LAMB4: variants seen among roughly 807,000 people sequenced by gnomAD.
The protein encoded by LAMB4 is laminin subunit beta 4, also known as laminin subunit beta-4.
LAMB4 carries 196 observed loss-of-function variants against 199.2 expected under a neutral mutation model. The observed-to-expected ratio is 0.98, with a 90% CI of 0.88 to 1.11. LAMB4 has a LOEUF of 1.11. LAMB4 is among the 50% of genes least tolerant of loss of function. The pLI is 0.00. For synonymous variants in LAMB4, 744 were observed against 770.6 expected (o/e 0.97, Z 0.57); for missense variants, 2,080 against 2,171.2 (o/e 0.96, Z 0.83).
intron 1 of LAMB4, among the ~76,000 whole-genome samples, chr7:108,125,567 A>G (rs943017397): frequency 6.6e-6 from 1 of 152,208 alleles, no homozygotes; most frequent in Non-Finnish European, 1.5e-5. Flanking sequence ...AAAGTGCTAC[A>G]TAGGATATAT....
At chr7:108,054,603 T>G (rs2035922219) in intron 25 of LAMB4, among the ~76,000 whole-genome samples, 1 of 152,138 alleles carries the variant, frequency 6.6e-6, no homozygotes, top group Non-Finnish European at 1.5e-5. Flanking sequence ...GGGTAGAAAC[T>G]ATACCCAATT....
rs1416953101 is a variant in LAMB4, at chr7:108,116,162, C to G, written c.35-1G>C. 6.2e-7 allele frequency: 1 copy of G among 1,613,006 alleles called. No individual in the cohort carries two copies. The highest frequency in any genetic ancestry group is 1.3e-5 in the African/African-American group (1 of 75,006). On this transcript the variant is annotated splice_acceptor_variant, in intron 2 of 33. Transcript: ENST00000388781. LOFTEE classifies it high-confidence loss of function. Reference sequence around the variant, plus strand: ...TGAGCTTTTGAGTAACTGAGCCACCCTTGAACACAACAGAAATAGCTTACA... The same window carrying G: ...TGAGCTTTTGAGTAACTGAGCCACCGTTGAACACAACAGAAATAGCTTACA...
At position 108,066,587 on chromosome 7, in the gene LAMB4, A is replaced by G. The variant is rs1405222599; in HGVS notation, c.2460T>C (p.His820=). Residue 820 remains histidine (H), a synonymous_variant, in exon 20 of 34, where the codon CAT becomes CAC. Transcript: ENST00000388781. ...GHHGCHPCHC[H]PQGSKDTVCD... ...ATACAGTGTCCTTTGATCCTTGAGG[A>G]TGGCAGTGACATGCTGGATGAAGCA... 1 of 1,607,824 alleles carries G rather than the reference A, an allele frequency of 6.2e-7. No individual in the cohort carries two copies. Among genetic ancestry groups the G allele is most frequent in the East Asian group, 2.2e-5 (1 of 44,720 alleles).
chr7:108,055,511 T>C, intron 25 of LAMB4, 121 bp downstream of exon 25: 1 of 1,057,754 alleles, frequency 9.5e-7, no homozygotes, highest in Non-Finnish European at 1.4e-6. Flanking sequence ...ACTGAACAAC[T>C]ATCAGTCCCC....
chr7:108,035,802 C>T (rs1209572628), intron 30 of LAMB4, among the ~76,000 whole-genome samples: 2 of 151,716 alleles, frequency 1.3e-5, no homozygotes, highest in Middle Eastern at 3.4e-3. Flanking sequence ...TTTTAAAAAG[C>T]ATTACCATTG....
rs1400036366 is a variant in LAMB4 at position 108,030,890 on chromosome 7, G to T, written c.4908C>A (p.Thr1636=). The change falls in exon 32 of 34, where the codon ACC becomes ACA. Residue 1636 remains threonine, a synonymous_variant. Coordinates refer to ENST00000388781, the MANE Select transcript of LAMB4 (RefSeq NM_007356.3). ...GLEDGLSLLQ[T]KLQRHQDHAV... is the part of the protein sequence containing the mutation. Reference sequence around the variant, plus strand: ...CGTGGTCTTGATGCCTTTGCAACTTGGTCTGCAGCAGGGAAAGTCCATCCT... The same window carrying T: ...CGTGGTCTTGATGCCTTTGCAACTTTGTCTGCAGCAGGGAAAGTCCATCCT... The T allele has an allele frequency of 6.2e-7, 1 of 1,614,028 alleles. No individual in the cohort carries two copies. The highest frequency in any genetic ancestry group is 1.7e-5 in the Admixed American group (1 of 60,002).
At chr7:108,102,642 A>G (rs2037854607) in intron 10 of LAMB4, among the ~76,000 whole-genome samples, 1 of 152,198 alleles carries the variant, frequency 6.6e-6, no homozygotes, top group East Asian at 1.9e-4. Flanking sequence ...GAGATTCAAG[A>G]TAAAAGATTT....
At chr7:108,125,722 C>T (rs140187800) in intron 1 of LAMB4, among the ~76,000 whole-genome samples, 1 of 152,314 alleles carries the variant, frequency 6.6e-6, no homozygotes, top group East Asian at 1.9e-4. Context: ...ATTCCCAGGA[C>T]TCAGATTTAG....
At chr7:108,034,432 A>C in intron 30 of LAMB4, 86 bp from the exon 31 acceptor site, 1 of 1,028,240 alleles carries the variant, frequency 9.7e-7, no homozygotes, top group African/African-American at 1.6e-5. Context: ...TGACTCAACC[A>C]AATACTTTAC....
intron 30 of LAMB4, among the ~76,000 whole-genome samples, chr7:108,034,905 C>T (rs2035168657): frequency 6.6e-6 from 1 of 152,192 alleles, no homozygotes; most frequent in Non-Finnish European, 1.5e-5. Flanking sequence ...CTCAAGTCAA[C>T]AATCACCAAA....
downstream of LAMB4, among the ~76,000 whole-genome samples, chr7:108,020,988 G>GGGAC (rs1437043491): frequency 1.3e-5 from 2 of 152,176 alleles, no homozygotes; most frequent in African/African-American, 4.8e-5. Context: ...TAGGACCAGA[G>GGGAC]GGACCATGGA....
At chr7:108,059,513 T>C (rs1435885217) in intron 23 of LAMB4, among the ~76,000 whole-genome samples, 1 of 152,212 alleles carries the variant, frequency 6.6e-6, no homozygotes. Flanking sequence ...TTATCTTGGT[T>C]GTCTCCCTTT....
chr7:108,051,343 T>C (rs1211993801), intron 26 of LAMB4, among the ~76,000 whole-genome samples: 1 of 152,166 alleles, frequency 6.6e-6, no homozygotes, highest in Non-Finnish European at 1.5e-5. Flanking sequence ...CACAGGAGTA[T>C]ATACATAGGA....
chr7:108,126,930 C>T (rs1286409917), intron 1 of LAMB4, among the ~76,000 whole-genome samples: 20 of 152,028 alleles, frequency 1.3e-4, no homozygotes, highest in Admixed American at 1.3e-3. Context: ...ATTAAACTAC[C>T]AGTGCTCAGG....
chr7:108,035,689 T>C (rs2035203466), intron 30 of LAMB4, among the ~76,000 whole-genome samples: 1 of 151,772 alleles, frequency 6.6e-6, no homozygotes, highest in Admixed American at 6.6e-5. Flanking sequence ...GTTAGGATAT[T>C]GTAGCAAAAT....
chr7:108,101,212 T>G (rs1207665856), intron 10 of LAMB4, among the ~76,000 whole-genome samples: 1 of 152,188 alleles, frequency 6.6e-6, no homozygotes, highest in Admixed American at 6.5e-5. Context: ...TGAACGTTCT[T>G]GCTAAGTGTG....
At chr7:108,047,546 CTGTT>C (rs1430284188) in intron 28 of LAMB4, among the ~76,000 whole-genome samples, 1 of 151,888 alleles carries the variant, frequency 6.6e-6, no homozygotes, top group Non-Finnish European at 1.5e-5. Context: ...TGTTAATTGA[CTGTT>C]TAAGTTATGG....
intron 23 of LAMB4, among the ~76,000 whole-genome samples, chr7:108,060,628 T>C (rs1221036599): frequency 6.6e-6 from 1 of 152,214 alleles, no homozygotes; most frequent in East Asian, 1.9e-4. Context: ...TATTGGCCTA[T>C]GTCAAAGGGA....
In LAMB4 at chr7:108,062,823, T is replaced by TGAC; in HGVS notation, c.3230_3232dup (p.Cys1077_Gln1078insArg). ...GGTCCTAGGGTCACAGTCACATGAC[T>TGAC]GACATCCTCTGCCAGGGACCAGATT... is the stretch of plus-strand genomic sequence containing the variant. On this transcript the variant is annotated inframe_insertion, in exon 23 of 34. Coordinates refer to ENST00000388781, the MANE Select transcript of LAMB4 (RefSeq NM_007356.3). The TGAC allele has an allele frequency of 6.5e-7, 1 of 1,546,708 alleles. No homozygotes were observed. The highest frequency in any genetic ancestry group is 8.7e-7 in the Non-Finnish European group (1 of 1,147,882).
Sources: allele counts gnomAD v4.1 joint callset (sites outside exome capture counted in the v4.1 genomes callset), GRCh38; gene constraint gnomAD v4.1.1; transcripts MANE v1.5; gene names NCBI Gene and HGNC (gene_info 2026-07-23, HGNC 2026-07-21).